EXOSC9: variants seen among roughly 807,000 people sequenced by gnomAD.
The protein encoded by EXOSC9 is exosome complex component RRP45.
EXOSC9 carries 38 observed loss-of-function variants against 56.5 expected under a neutral mutation model. The observed-to-expected ratio is 0.67, with a 90% confidence interval of 0.52 to 0.88. The LOEUF (loss-of-function observed/expected upper bound fraction) is 0.88. Ranked by LOEUF, EXOSC9 falls within the 40% of genes least tolerant of loss-of-function variation. The pLI, the probability that EXOSC9 is intolerant of heterozygous loss-of-function variation, is 0.00. For synonymous variants in EXOSC9, 170 were observed against 170.8 expected (o/e 0.99, Z 0.04); for missense variants, 559 against 530.5 (o/e 1.05, Z -0.53).
At chr4:121,814,115 TATA>T (rs1219416288) in intron 10 of EXOSC9, 68 bp downstream of exon 10, 5 of 936,226 alleles carry the variant, frequency 5.3e-6, no homozygotes, top group Non-Finnish European at 8.2e-6. Context: ...TAGTTATATA[TATA>T]ATGCATAAAA....
intron 10 of EXOSC9, chr4:121,815,708 T>C (rs1405081751): frequency 3.0e-6 from 3 of 986,206 alleles, no homozygotes; most frequent in Non-Finnish European, 3.6e-6. Context: ...ATGCCAAAGG[T>C]ATATGGGAAA....
rs1488838094 is a variant in EXOSC9 at position 121,813,243 on chromosome 4, T to C, written c.837T>C (p.Gly279=). The change falls in exon 9 of 12, where the codon GGT becomes GGC. Residue 279 remains glycine (G), a synonymous_variant. Transcript: ENST00000243498. ...LENDQKVRKE[G]GKFGFAESIA... ...AAACCCCCACATACAGGAAAGAAGGTGGAAAGTTTGGTTTTGCAGAGTCTA... is the reference window on the plus strand; with the variant it reads ...AAACCCCCACATACAGGAAAGAAGGCGGAAAGTTTGGTTTTGCAGAGTCTA... 8 of 1,606,398 alleles carry C rather than the reference T, an allele frequency of 5.0e-6. No homozygotes were observed. In the East Asian group the frequency reaches 1.6e-4, roughly 31 times the overall value.
At chr4:121,815,437 C>A in intron 10 of EXOSC9, 1 of 985,004 alleles carries the variant, frequency 1.0e-6, no homozygotes, top group Non-Finnish European at 1.2e-6. Flanking sequence ...GTACAGCCTT[C>A]CTAAAGCATG....
rs781301648 is a variant in EXOSC9, at chr4:121,802,751, T to G, written c.239T>G (p.Leu80Arg). ...RATEGILFFN[L>R]ELSQMAAPAF... ...ACAGAAGGTATTCTTTTTTTTAACC[T>G]TGAACTCTCTCAGATGGCCGCTCCA... is the stretch of plus-strand genomic sequence containing the variant. Residue 80 changes from leucine (L) to arginine (R), a missense_variant, in exon 3 of 12, where the codon CTT becomes CGT. By Grantham distance (102) the Leu-to-Arg change is moderately radical. Coordinates refer to ENST00000243498, the MANE Select transcript of EXOSC9 (RefSeq NM_005033.3). 1 of 1,614,150 alleles carries G rather than the reference T, an allele frequency of 6.2e-7. No individual in the cohort carries two copies. Among genetic ancestry groups the G allele is most frequent in the East Asian group, 2.2e-5 (1 of 44,876 alleles).
At position 121,802,984 on chromosome 4, in the gene EXOSC9, C is replaced by T. The variant is rs1726914501; in HGVS notation, c.351C>T (p.Asp117=). 6.2e-7 allele frequency: 1 copy of T among 1,613,782 alleles called. No homozygotes were observed. Among genetic ancestry groups the T allele is most frequent in the East Asian group, 2.2e-5 (1 of 44,860 alleles). ...GTCTAAGAAATTCGAAGTGTATAGA[C>T]ACTGAGTCTCTCTGTGTTGTTGCTG... ...ERCLRNSKCI[D]TESLCVVAGE... Residue 117 remains aspartate, a synonymous_variant, in exon 4 of 12, where the codon GAC becomes GAT. Coordinates refer to ENST00000243498, the MANE Select transcript of EXOSC9 (RefSeq NM_005033.3).
chr4:121,816,262 G>A, intron 10 of EXOSC9, 107 bp from the exon 11 acceptor site: 1 of 704,380 alleles, frequency 1.4e-6, no homozygotes, highest in Non-Finnish European at 2.3e-6. Context: ...CCCAGCCCCA[G>A]AAATAAGAGT....
In EXOSC9 at chr4:121,802,943, C is replaced by T. The variant is rs747801924; in HGVS notation, c.310C>T (p.Arg104Ter). 22 of 1,613,744 alleles carry T rather than the reference C, an allele frequency of 1.4e-5. No individual in the cohort carries two copies. The highest frequency in any genetic ancestry group is 2.7e-5 in the African/African-American group (2 of 74,882). Residue 104 changes from arginine (R) to a stop codon, truncating the protein, a stop_gained, in exon 4 of 12, where the codon CGA becomes TGA. Transcript: ENST00000243498. LOFTEE classifies it high-confidence loss of function. ...RQSDLLVKLNRLMERCLRNSK... is the reference protein window; with the variant it reads ...RQSDLLVKLN ...GTCAGATCTCTTGGTGAAGTTGAAT[C>T]GACTCATGGAAAGATGTCTAAGAAA...
chr4:121,812,600 C>T (rs1015949484), intron 8 of EXOSC9, among the ~76,000 whole-genome samples: 2 of 152,184 alleles, frequency 1.3e-5, no homozygotes, highest in Admixed American at 1.3e-4. Flanking sequence ...AAGTGATTCT[C>T]CTGCCTCAGC....
intron 10 of EXOSC9, 37 bp from the exon 11 acceptor site, chr4:121,816,332 C>CTTT (rs35942869): frequency 3.5e-4 from 339 of 956,646 alleles, no homozygotes; most frequent in South Asian, 7.0e-4. Flanking sequence ...GATTGCTTAA[C>CTTT]TTTTTTTTTT....
chr4:121,813,962 T>A lies in EXOSC9; in HGVS notation c.1071T>A (p.Asp357Glu), dbSNP rs771975787. 2 of 1,613,738 alleles carry A rather than the reference T, an allele frequency of 1.2e-6. No homozygotes were observed. Among genetic ancestry groups the A allele is most frequent in the Non-Finnish European group, 1.7e-6 (2 of 1,179,732 alleles). The stretch of plus-strand genomic sequence containing the variant: ...ATCTTGAAGACTCTGAGAAGGAAGA[T>A]GATGAAGGCGGTGGTGATCAAGCTA... ...WGDLEDSEKEDDEGGGDQAII... is the reference protein window; with the variant it reads ...WGDLEDSEKEEDEGGGDQAII... The change falls in exon 10 of 12, where the codon GAT becomes GAA. Residue 357 changes from aspartate to glutamate, a missense_variant. Physicochemically the swap from Asp to Glu is conservative, Grantham distance 45. Coordinates refer to ENST00000243498, the MANE Select transcript of EXOSC9 (RefSeq NM_005033.3).
Position 121,804,740 on chromosome 4 carries a change from A to G in EXOSC9, c.503A>G (p.Gln168Arg). ...CHFRRPDVSV[Q>R]GDEVTLYTPE... ...TTCCGAAGACCTGATGTCTCTGTCC[A>G]AGGAGATGAAGTAACACTGGTAAGC... The change falls in exon 5 of 12, where the codon CAA (glutamine) becomes CGA (arginine). Residue 168 changes from glutamine to arginine, a missense_variant. Physicochemically the swap from Gln to Arg is conservative, Grantham distance 43. Transcript: ENST00000243498. 6 of 1,609,874 alleles carry G rather than the reference A, an allele frequency of 3.7e-6. No homozygotes were observed. The highest frequency in any genetic ancestry group is 4.2e-6 in the Non-Finnish European group (5 of 1,177,220).
chr4:121,801,577 G>C, intron 1 of EXOSC9, 87 bp downstream of exon 1: 1 of 1,257,608 alleles, frequency 8.0e-7, no homozygotes, highest in Non-Finnish European at 1.2e-6. Context: ...CTGGGCCCGG[G>C]GAGCTACTAG....
intron 8 of EXOSC9, 121 bp from the exon 9 acceptor site, chr4:121,813,111 ACT>A (rs759202374): frequency 6.9e-6 from 6 of 875,688 alleles, no homozygotes; most frequent in Non-Finnish European, 1.0e-5. Flanking sequence ...AGATAAACTA[ACT>A]CTCTTCCAAT....
chr4:121,814,226 G>T, intron 10 of EXOSC9, 179 bp downstream of exon 10: 1 of 412,700 alleles, frequency 2.4e-6, no homozygotes, highest in Non-Finnish European at 4.3e-6. Context: ...ATACTATATA[G>T]AGAGAATATA....
Position 121,801,355 on chromosome 4 carries a change from C to A in EXOSC9, c.-70C>A. Reference sequence around the variant, plus strand: ...TCCTGCGCCTCGGGGCGAGCAGCGGCGCGCAAGGAAAGATCGGGTTCCGTT... The same window carrying A: ...TCCTGCGCCTCGGGGCGAGCAGCGGAGCGCAAGGAAAGATCGGGTTCCGTT... On this transcript the variant is annotated 5_prime_UTR_variant, in exon 1 of 12. Coordinates refer to ENST00000243498, the MANE Select transcript of EXOSC9 (RefSeq NM_005033.3). 1.4e-6 allele frequency: 2 copies of A among 1,448,104 alleles called. No homozygotes were observed. The highest frequency in any genetic ancestry group is 1.9e-6 in the Non-Finnish European group (2 of 1,028,878). The allele number at this position is 1,448,104 out of a possible 1,614,324, so 89.7% of individuals were successfully genotyped here.
chr4:121,802,615 GT>G (rs1726899820), intron 2 of EXOSC9, 58 bp from the exon 3 acceptor site: 1 of 1,562,012 alleles, frequency 6.4e-7, no homozygotes. Context: ...ATCTGTTTCA[GT>G]TTTTTGTTTT....
At chr4:121,802,055 T>G in intron 2 of EXOSC9, 134 bp downstream of exon 2, 1 of 662,620 alleles carries the variant, frequency 1.5e-6, no homozygotes, top group South Asian at 2.0e-5. Context: ...TAAGTATTTT[T>G]TTATGCGAGA....
rs956239981 is a variant in EXOSC9, at chr4:121,813,167, C to T, written c.828-67C>T. 3.5e-6 allele frequency: 5 copies of T among 1,422,690 alleles called. No individual in the cohort carries two copies. The African/African-American group carries it at 4.3e-5, about 12-fold the overall frequency. The allele number at this position is 1,422,690 out of a possible 1,614,324, so 88.1% of individuals were successfully genotyped here. A position where few individuals can be genotyped will look rare whatever the true frequency, so the allele number is the denominator to read the frequency against. Reference sequence around the variant, plus strand: ...GATAAAATAATAGTTTTTTTCCCTTCCTGTCTTCTATCCAATCTGTTACCT... The same window carrying T: ...GATAAAATAATAGTTTTTTTCCCTTTCTGTCTTCTATCCAATCTGTTACCT... On this transcript the variant is annotated intron_variant, in intron 8 of 11. Coordinates refer to ENST00000243498, the MANE Select transcript of EXOSC9 (RefSeq NM_005033.3).
intron 6 of EXOSC9, among the ~76,000 whole-genome samples, chr4:121,808,689 T>A (rs1727118542): frequency 6.6e-6 from 1 of 151,434 alleles, no homozygotes; most frequent in Admixed American, 6.6e-5. Flanking sequence ...TTTTCTTTTT[T>A]TTTTTTAAGA....
Sources: allele counts gnomAD v4.1 joint callset (sites outside exome capture counted in the v4.1 genomes callset), GRCh38; gene constraint gnomAD v4.1.1; transcripts MANE v1.5; gene names NCBI Gene and HGNC (gene_info 2026-07-23, HGNC 2026-07-21).